The following CNTNAP5 variants were observed in gnomAD, a reference collection of about 807,000 sequenced individuals.
CNTNAP5 encodes contactin associated protein family member 5.
In CNTNAP5, 72 loss-of-function variants were observed where a neutral mutation model predicts 150.2. The ratio of observed to expected loss-of-function variants is 0.48; its 90% confidence interval spans 0.40 to 0.58. CNTNAP5 has a LOEUF of 0.58. CNTNAP5 is among the 20% of genes least tolerant of loss of function. CNTNAP5 has a pLI of 0.00. For synonymous variants in CNTNAP5, 672 were observed against 619.8 expected (o/e 1.08, Z -1.25); for missense variants, 1,636 against 1,626.2 (o/e 1.01, Z -0.10).
intron 21 of CNTNAP5, among the ~76,000 whole-genome samples, chr2:124,899,312 C>T (rs529844141): frequency 1.3e-5 from 2 of 151,342 alleles, no homozygotes; most frequent in African/African-American, 4.9e-5. Flanking sequence ...AACATGGAAA[C>T]AGATATCATA....
intron 2 of CNTNAP5, among the ~76,000 whole-genome samples, chr2:124,229,295 G>GAA: frequency 1.3e-5 from 2 of 152,236 alleles, no homozygotes; most frequent in Admixed American, 1.3e-4. Context: ...CACACACTTG[G>GAA]AAACAGCTGT....
chr2:124,121,137 T>C (rs1573768639), intron 1 of CNTNAP5, among the ~76,000 whole-genome samples: 1 of 148,650 alleles, frequency 6.7e-6, no homozygotes, highest in African/African-American at 2.5e-5. Context: ...CTTATTGCCA[T>C]ACACACACAC....
At chr2:124,364,453 C>A (rs1464242163) in intron 3 of CNTNAP5, among the ~76,000 whole-genome samples, 1 of 152,100 alleles carries the variant, frequency 6.6e-6, no homozygotes, top group Non-Finnish European at 1.5e-5. Flanking sequence ...CACCCAAACC[C>A]TTCTATCACA....
chr2:124,110,153 C>A (rs1683261395), intron 1 of CNTNAP5, among the ~76,000 whole-genome samples: 1 of 152,192 alleles, frequency 6.6e-6, no homozygotes, highest in African/African-American at 2.4e-5. Flanking sequence ...GGTTGTGATT[C>A]TTTTGCTGTG....
chr2:124,663,431 A>C (rs1042748063), intron 13 of CNTNAP5, among the ~76,000 whole-genome samples: 4 of 152,234 alleles, frequency 2.6e-5, no homozygotes, highest in African/African-American at 9.6e-5. Flanking sequence ...CATCATTGAC[A>C]AGGAAAAGGA....
chr2:124,642,201 G>GA (rs1370599978), intron 12 of CNTNAP5, among the ~76,000 whole-genome samples: 2 of 152,106 alleles, frequency 1.3e-5, no homozygotes, highest in Non-Finnish European at 2.9e-5. Flanking sequence ...ACACTGATGC[G>GA]AATACAAAAT....
intron 3 of CNTNAP5, among the ~76,000 whole-genome samples, chr2:124,401,723 C>G (rs1367351800): frequency 6.6e-6 from 1 of 152,112 alleles, no homozygotes; most frequent in African/African-American, 2.4e-5. Context: ...AATTCACAGG[C>G]AAGGACATTT....
chr2:124,625,712 G>A (rs1382937289), intron 12 of CNTNAP5, among the ~76,000 whole-genome samples: 1 of 152,152 alleles, frequency 6.6e-6, no homozygotes, highest in Admixed American at 6.5e-5. Context: ...GATAACTGGT[G>A]AGTCTCATTT....
intron 1 of CNTNAP5, among the ~76,000 whole-genome samples, chr2:124,039,221 A>G (rs192095522): frequency 1.3e-5 from 2 of 152,202 alleles, no homozygotes; most frequent in Admixed American, 6.5e-5. Flanking sequence ...AAGCGCTTGC[A>G]TTATCTACCT....
At chr2:124,359,110 C>T (rs1344998829) in intron 3 of CNTNAP5, among the ~76,000 whole-genome samples, 1 of 152,076 alleles carries the variant, frequency 6.6e-6, no homozygotes, top group African/African-American at 2.4e-5. Flanking sequence ...TTGTAGTATT[C>T]TCTGATGGTA....
intron 7 of CNTNAP5, among the ~76,000 whole-genome samples, chr2:124,491,510 G>A (rs2104850112): frequency 6.6e-6 from 1 of 152,020 alleles, no homozygotes; most frequent in African/African-American, 2.4e-5. Context: ...GGACACTAAG[G>A]TAGTCTCATG....
chr2:124,167,602 T>C (rs1684836943), intron 1 of CNTNAP5, among the ~76,000 whole-genome samples: 1 of 152,108 alleles, frequency 6.6e-6, no homozygotes, highest in Non-Finnish European at 1.5e-5. Flanking sequence ...CTGAAAATAA[T>C]TGTGGGGCAA....
intron 4 of CNTNAP5, among the ~76,000 whole-genome samples, chr2:124,418,877 G>C (rs1691999072): frequency 6.6e-6 from 1 of 152,040 alleles, no homozygotes; most frequent in Admixed American, 6.5e-5. Context: ...GCTCACGCCT[G>C]TAATCCCAGC....
chr2:124,640,766 C>T (rs929847698), intron 12 of CNTNAP5, among the ~76,000 whole-genome samples: 2 of 152,128 alleles, frequency 1.3e-5, no homozygotes, highest in African/African-American at 2.4e-5. Context: ...CTCCCGGCTT[C>T]GCTTCAACAG....
At chr2:124,251,538 C>A (rs965411506) in intron 3 of CNTNAP5, among the ~76,000 whole-genome samples, 3 of 151,648 alleles carry the variant, frequency 2.0e-5, no homozygotes, top group Non-Finnish European at 4.4e-5. Flanking sequence ...GAATCATGGA[C>A]CCCTAACATC....
At chr2:124,291,299 C>T (rs1354675012) in intron 3 of CNTNAP5, among the ~76,000 whole-genome samples, 2 of 152,004 alleles carry the variant, frequency 1.3e-5, no homozygotes, top group African/African-American at 4.8e-5. Flanking sequence ...TTTATTAACA[C>T]AATCAATATT....
intron 8 of CNTNAP5, among the ~76,000 whole-genome samples, chr2:124,520,724 T>A (rs1013706851): frequency 6.6e-6 from 1 of 152,064 alleles, no homozygotes; most frequent in Non-Finnish European, 1.5e-5. Flanking sequence ...CTAAGATAAT[T>A]TTTTTCCCCC....
chr2:124,429,735 G>A (rs1006170453), intron 4 of CNTNAP5, among the ~76,000 whole-genome samples: 2 of 152,204 alleles, frequency 1.3e-5, no homozygotes, highest in African/African-American at 4.8e-5. Context: ...AAGCATGTGT[G>A]AGTCACACAG....
Position 124,109,002 on chromosome 2 carries a change from A to T in CNTNAP5, c.82+83270A>T, listed in dbSNP as rs924217535. On this transcript the variant is annotated intron_variant, in intron 1 of 23. Transcript: ENST00000682447. ...ACCCTAACATAAGAGCTTTCCAGAG[A>T]TAAATTAAGTAGGAGCATACATCCT... Among the ~76,000 whole-genome samples, 3 of 152,184 alleles carry T rather than the reference A, an allele frequency of 2.0e-5. No homozygotes were observed. The East Asian group carries it at 5.8e-4, about 30-fold the overall frequency.
Sources: allele counts gnomAD v4.1 joint callset (sites outside exome capture counted in the v4.1 genomes callset), GRCh38; gene constraint gnomAD v4.1.1; transcripts MANE v1.5; gene names NCBI Gene and HGNC (gene_info 2026-07-23, HGNC 2026-07-21).